Variants in ZNF438 observed in about 807,000 individuals in gnomAD.
ZNF438 encodes the protein zinc finger protein 438.
A neutral mutation model predicts 38.0 loss-of-function variants in ZNF438; 25 were observed. The observed-to-expected ratio is 0.66, with a 90% confidence interval of 0.48 to 0.92. The LOEUF (loss-of-function observed/expected upper bound fraction) is 0.92. Among genes scored for constraint, ZNF438 ranks in the 40% least tolerant of loss-of-function variants. The pLI is 0.00. For missense variants in ZNF438, 1,007 were observed against 999.6 expected (o/e 1.01, Z -0.10); for synonymous variants, 372 against 364.1 (o/e 1.02, Z -0.25).
At chr10:30,877,813 C>CA (rs942081396) in intron 3 of ZNF438, among the ~76,000 whole-genome samples, 259 of 151,708 alleles carry the variant, frequency 1.7e-3, no homozygotes, top group Non-Finnish European at 2.6e-3. Flanking sequence ...AGTTCTTAAA[C>CA]AAAAAAATGT....
chr10:31,030,053 C>T (rs944646092), intron 1 of ZNF438, among the ~76,000 whole-genome samples: 2 of 152,240 alleles, frequency 1.3e-5, no homozygotes, highest in Non-Finnish European at 2.9e-5. Context: ...TAGGTTACAT[C>T]AAAAGACTTG....
chr10:30,875,321 A>G, intron 4 of ZNF438: 2 of 985,428 alleles, frequency 2.0e-6, no homozygotes, highest in Non-Finnish European at 2.4e-6. Context: ...AGTTACTCAC[A>G]TAGACTCACC....
intron 1 of ZNF438, among the ~76,000 whole-genome samples, chr10:31,017,495 A>G (rs1382249865): frequency 6.6e-6 from 1 of 152,218 alleles, no homozygotes; most frequent in Non-Finnish European, 1.5e-5. Context: ...TGGCAACATA[A>G]TCTCCTAAAA....
intron 1 of ZNF438, among the ~76,000 whole-genome samples, chr10:30,983,721 A>T (rs1419592615): frequency 2.0e-5 from 3 of 151,978 alleles, no homozygotes; most frequent in African/African-American, 4.8e-5. Context: ...TTTTCAAATT[A>T]TTTTTTTTAT....
At chr10:30,973,746 T>G (rs1462356207) in intron 1 of ZNF438, among the ~76,000 whole-genome samples, 1 of 152,182 alleles carries the variant, frequency 6.6e-6, no homozygotes, top group Non-Finnish European at 1.5e-5. Flanking sequence ...GCTGTTCCGG[T>G]GGCTCTTCCT....
intron 3 of ZNF438, among the ~76,000 whole-genome samples, chr10:30,897,354 T>C (rs527280294): frequency 1.3e-5 from 2 of 152,334 alleles, no homozygotes; most frequent in Admixed American, 6.5e-5. Flanking sequence ...CCCAATACTA[T>C]CACCCCATGT....
chr10:30,973,185 C>T (rs140673027), intron 1 of ZNF438, among the ~76,000 whole-genome samples: 2 of 152,344 alleles, frequency 1.3e-5, no homozygotes, highest in African/African-American at 4.8e-5. Context: ...TCACTCTAAT[C>T]TCAGAACACA....
chr10:31,001,070 C>A (rs773506868), intron 1 of ZNF438, among the ~76,000 whole-genome samples: 64 of 152,204 alleles, frequency 4.2e-4, no homozygotes, highest in Non-Finnish European at 8.2e-4. Context: ...ATTCACTCTA[C>A]AACCCATTGC....
chr10:30,922,096 T>C (rs906596294), intron 2 of ZNF438, among the ~76,000 whole-genome samples: 17 of 152,208 alleles, frequency 1.1e-4, no homozygotes, highest in Non-Finnish European at 1.9e-4. Flanking sequence ...ATTGAGTGTA[T>C]TGTAGAATGA....
intron 2 of ZNF438, among the ~76,000 whole-genome samples, chr10:30,913,027 A>G (rs1466936923): frequency 1.3e-5 from 2 of 152,024 alleles, no homozygotes; most frequent in Admixed American, 1.3e-4. Context: ...TAACTGCACC[A>G]CTATAACTTT....
intron 3 of ZNF438, among the ~76,000 whole-genome samples, chr10:30,896,012 A>G (rs1457974076): frequency 6.6e-6 from 1 of 152,194 alleles, no homozygotes; most frequent in African/African-American, 2.4e-5. Flanking sequence ...AATGTCAAAA[A>G]GAACTGAGGC....
intron 2 of ZNF438, among the ~76,000 whole-genome samples, chr10:30,931,019 G>A (rs1206359962): frequency 6.6e-6 from 1 of 152,080 alleles, no homozygotes; most frequent in Non-Finnish European, 1.5e-5. Context: ...ACTGGGCTAT[G>A]CCCCTCTACT....
At chr10:30,913,775 A>G (rs1223245735) in intron 2 of ZNF438, among the ~76,000 whole-genome samples, 1 of 152,124 alleles carries the variant, frequency 6.6e-6, no homozygotes, top group African/African-American at 2.4e-5. Context: ...AAAAAACTAA[A>G]TAGCAAATCT....
In ZNF438 at chr10:30,904,016, TAA is replaced by T. The variant is rs71527619; in HGVS notation, c.-32+4915_-32+4916del. Among the ~76,000 whole-genome samples the T allele has an allele frequency of 2.0e-3, 287 of 142,980 alleles. 1 individual carries two copies. The highest frequency in any genetic ancestry group is 6.8e-3 in the African/African-American group (263 of 38,790). The allele number at this position is 142,980 out of a possible 152,430, so 93.8% of individuals were successfully genotyped here. A position where few individuals can be genotyped will look rare whatever the true frequency, so the allele number is the denominator to read the frequency against. ...AATTGAAAACAATTCATGCCACAGT[TAA>T]AAAAAAAAAAAAGACACAGGAGACA... On this transcript the variant is annotated intron_variant, in intron 3 of 5. Coordinates refer to ENST00000413025, the Ensembl canonical transcript of ZNF438.
At chr10:30,971,491 G>A (rs2050734397) in intron 1 of ZNF438, among the ~76,000 whole-genome samples, 1 of 152,170 alleles carries the variant, frequency 6.6e-6, no homozygotes, top group South Asian at 2.1e-4. Flanking sequence ...AGACAGAAGG[G>A]TGGTAGTCAA....
At chr10:30,942,160 G>A (rs2046881956) in intron 1 of ZNF438, among the ~76,000 whole-genome samples, 1 of 152,188 alleles carries the variant, frequency 6.6e-6, no homozygotes, top group Non-Finnish European at 1.5e-5. Context: ...ATGTGGGAAG[G>A]CTCTGCCTTA....
chr10:30,845,638 C>A (rs770995374), intron 5 of ZNF438, 65 bp from the exon 7 acceptor site: 21 of 1,537,024 alleles, frequency 1.4e-5, no homozygotes, highest in Non-Finnish European at 1.7e-5. Flanking sequence ...TCTTTCCTCT[C>A]AGCTGTCAGC....
chr10:30,986,738 C>T (rs777562529), intron 1 of ZNF438, among the ~76,000 whole-genome samples: 4 of 152,232 alleles, frequency 2.6e-5, no homozygotes, highest in South Asian at 4.1e-4. Context: ...ATTTCATTTG[C>T]GCATGACCCT....
chr10:30,869,369 C>T (rs1244188785), intron 4 of ZNF438, among the ~76,000 whole-genome samples: 7 of 143,660 alleles, frequency 4.9e-5, no homozygotes, highest in South Asian at 2.3e-4. Flanking sequence ...AGCTAAACTC[C>T]GTCTCAAAAA....
Sources: gnomAD v4.1 joint callset for allele counts (sites outside exome capture counted in the v4.1 genomes callset) on GRCh38, gnomAD v4.1.1 for gene constraint, MANE v1.5 for transcripts, NCBI Gene and HGNC (gene_info 2026-07-23, HGNC 2026-07-21) for gene names.